The following C14orf132 variants were observed in gnomAD, a reference collection of about 807,000 sequenced individuals.
C14orf132 encodes the protein uncharacterized protein C14orf132.
A neutral mutation model predicts 5.8 loss-of-function variants in C14orf132; 6 were observed. That is an observed-to-expected ratio of 1.03 (90% CI 0.57 to 2.04). The LOEUF (loss-of-function observed/expected upper bound fraction) is 2.04, where lower values mean the gene tolerates loss of function less well. Ranked by LOEUF, C14orf132 falls within the 30% of genes most tolerant of loss-of-function variation. The probability of loss-of-function intolerance (pLI) is 0.00; values close to 1 mark genes in which losing one functional copy is unlikely to be tolerated. For synonymous variants in C14orf132, 51 were observed against 49.8 expected, an observed-to-expected ratio of 1.02 and a Z score of -0.10; for missense variants, 125 against 115.8, an observed-to-expected ratio of 1.08 and a Z score of -0.37.
At chr14:96,043,283 T>G (rs542777173) in intron 1 of C14orf132, among the ~76,000 whole-genome samples, 1 of 152,100 alleles carries the variant, frequency 6.6e-6, no homozygotes, top group African/African-American at 2.4e-5. Flanking sequence ...ATCCAAGAAG[T>G]GCAGTGACAC....
chr14:96,040,887 G>A (rs1394621526), intron 1 of C14orf132, among the ~76,000 whole-genome samples: 2 of 152,098 alleles, frequency 1.3e-5, no homozygotes, highest in African/African-American at 2.4e-5. Flanking sequence ...TTCTAGACTG[G>A]AGAAGAACTG....
chr14:96,047,382 G>A (rs1483103479), intron 1 of C14orf132, among the ~76,000 whole-genome samples: 1 of 152,210 alleles, frequency 6.6e-6, no homozygotes, highest in East Asian at 1.9e-4. Context: ...AAATGCTTGA[G>A]TGTTTAGGGA....
chr14:96,056,966 C>T (rs901026575), intron 1 of C14orf132, among the ~76,000 whole-genome samples: 4 of 152,156 alleles, frequency 2.6e-5, no homozygotes, highest in Admixed American at 6.5e-5. Flanking sequence ...ATGACCAGGG[C>T]CGCTGGCCTC....
Position 96,092,447 on chromosome 14 carries a change from T to C in C14orf132, c.*5712T>C, listed in dbSNP as rs1888440383. On this transcript the variant is annotated 3_prime_UTR_variant, in exon 2 of 2. Coordinates refer to ENST00000555004, the MANE Select transcript of C14orf132 (RefSeq NM_001252507.3). The stretch of plus-strand genomic sequence containing the variant: ...TTGCAGGGAATTTGCAGGCCTCGAT[T>C]ATTGGGGGAATCAGAGCCCATTCCA... 6.6e-6 allele frequency: 1 copy of C among 152,172 alleles called. No homozygotes were observed. Among genetic ancestry groups the C allele is most frequent in the Non-Finnish European group, 1.5e-5 (1 of 68,044 alleles). The allele number at this position is 152,172 out of a possible 1,614,324, so 9.4% of individuals were successfully genotyped here.
intron 1 of C14orf132, among the ~76,000 whole-genome samples, chr14:96,045,356 A>G (rs1330857426): frequency 6.6e-6 from 1 of 152,152 alleles, no homozygotes; most frequent in Non-Finnish European, 1.5e-5. Flanking sequence ...GGGCAGAGGG[A>G]ACTGTGTGCA....
intron 1 of C14orf132, among the ~76,000 whole-genome samples, chr14:96,062,028 C>T (rs1316358381): frequency 6.6e-6 from 1 of 152,166 alleles, no homozygotes; most frequent in African/African-American, 2.4e-5. Flanking sequence ...TCTCAGTCAC[C>T]ACATTCCCCC....
chr14:96,049,515 C>T (rs1318836976), intron 1 of C14orf132, among the ~76,000 whole-genome samples: 7 of 137,288 alleles, frequency 5.1e-5, no homozygotes, highest in Non-Finnish European at 6.2e-5. Flanking sequence ...TACGTATATA[C>T]GTATATATAT....
In C14orf132 at chr14:96,093,122, C is replaced by T. The variant is rs1062710; in HGVS notation, c.*6387C>T. On this transcript the variant is annotated 3_prime_UTR_variant, in exon 2 of 2. Transcript: ENST00000555004. ...AGCAGTGATCATGGTCACTGCCCTG[C>T]GTTCAAATAATGCGAGCTGAGGACA... 2.0e-5 allele frequency: 3 copies of T among 152,138 alleles called. No homozygotes were observed. Among genetic ancestry groups the T allele is most frequent in the African/African-American group, 4.8e-5 (2 of 41,504 alleles). The allele number at this position is 152,138 out of a possible 1,614,324, so 9.4% of individuals were successfully genotyped here.
At chr14:96,085,266 G>T (rs10140364) in intron 1 of C14orf132, among the ~76,000 whole-genome samples, 45,226 of 152,174 alleles carry the variant, frequency 0.3, 6,918 homozygotes, top group Non-Finnish European at 0.33. Flanking sequence ...CGGTAACTGT[G>T]CATCCGATGC....
intron 1 of C14orf132, among the ~76,000 whole-genome samples, chr14:96,070,191 G>A (rs960978659): frequency 6.6e-6 from 1 of 152,198 alleles, no homozygotes; most frequent in African/African-American, 2.4e-5. Flanking sequence ...AGGGCACTCA[G>A]GTTGTGCCCC....
chr14:96,093,632 A>G lies in C14orf132; in HGVS notation c.*6897A>G, dbSNP rs1432053993. 1.3e-5 allele frequency: 2 copies of G among 152,224 alleles called. No individual in the cohort carries two copies. Among genetic ancestry groups the G allele is most frequent in the Non-Finnish European group, 2.9e-5 (2 of 68,054 alleles). 9.4% of individuals were successfully genotyped at this position (152,224 alleles called of 1,614,324 possible). On this transcript the variant is annotated 3_prime_UTR_variant, in exon 2 of 2. Transcript: ENST00000555004. ...TTTTCATGATCAACTTGTAAATGTA[A>G]GCAGTTGACTTCATAAAAGGTATTT...
intron 1 of C14orf132, among the ~76,000 whole-genome samples, chr14:96,085,684 A>G (rs748030553): frequency 9.7e-4 from 148 of 152,196 alleles, no homozygotes; most frequent in Non-Finnish European, 1.8e-3. Flanking sequence ...TCATTGACTC[A>G]GAAATTGTGT....
chr14:96,044,456 A>G (rs548147544), intron 1 of C14orf132, among the ~76,000 whole-genome samples: 1 of 152,368 alleles, frequency 6.6e-6, no homozygotes, highest in South Asian at 2.1e-4. Flanking sequence ...CTGGGATTAC[A>G]GGCATGAGCC....
intron 1 of C14orf132, among the ~76,000 whole-genome samples, chr14:96,080,094 A>T (rs986532225): frequency 6.6e-6 from 1 of 152,222 alleles, no homozygotes; most frequent in African/African-American, 2.4e-5. Flanking sequence ...TGAAGGGTTT[A>T]TATGGCAATA....
chr14:96,071,442 C>T (rs1331108696), intron 1 of C14orf132, among the ~76,000 whole-genome samples: 1 of 152,196 alleles, frequency 6.6e-6, no homozygotes, highest in African/African-American at 2.4e-5. Flanking sequence ...AAGCCTTCAT[C>T]ACCAGGAGTC....
chr14:96,049,555 T>C (rs1448737134), intron 1 of C14orf132, among the ~76,000 whole-genome samples: 6 of 133,738 alleles, frequency 4.5e-5, no homozygotes, highest in South Asian at 2.3e-4. Flanking sequence ...TATATATACA[T>C]ATATACGTAT....
At position 96,039,654 on chromosome 14, in the gene C14orf132, C is replaced by A; in HGVS notation, c.27+127C>A. ...CGCGATCCGCGTCCCGGTCCTTTGT[C>A]CCGAGCCGGACACCCCCACTTGGTG... is the stretch of plus-strand genomic sequence containing the variant. On this transcript the variant is annotated intron_variant, in intron 1 of 1. Transcript: ENST00000555004. This position sits in a 1 kb window ranked among gnomAD's most constrained non-coding sequence, Gnocchi z 5.3. 2 of 1,034,414 alleles carry A rather than the reference C, an allele frequency of 1.9e-6. No individual in the cohort carries two copies. Among genetic ancestry groups the A allele is most frequent in the Non-Finnish European group, 2.6e-6 (2 of 778,396 alleles). The allele number at this position is 1,034,414 out of a possible 1,614,324, so 64.1% of individuals were successfully genotyped here.
At chr14:96,062,609 G>T (rs1224607678) in intron 1 of C14orf132, among the ~76,000 whole-genome samples, 1 of 152,084 alleles carries the variant, frequency 6.6e-6, no homozygotes. Flanking sequence ...AAGTCCTCCT[G>T]CCCAGCTCCC....
intron 1 of C14orf132, among the ~76,000 whole-genome samples, chr14:96,048,471 T>C (rs1886895386): frequency 6.6e-6 from 1 of 152,204 alleles, no homozygotes; most frequent in Admixed American, 6.5e-5. Context: ...TGCTTTCACT[T>C]AGTAATATGC....
Sources: gnomAD v4.1 joint callset for allele counts (sites outside exome capture counted in the v4.1 genomes callset) on GRCh38, gnomAD v4.1.1 for gene constraint, Gnocchi (gnomAD v3.1) non-coding constraint, MANE v1.5 for transcripts, NCBI Gene and HGNC (gene_info 2026-07-23, HGNC 2026-07-21) for gene names.